DPY19L3: variants seen among roughly 807,000 people sequenced by gnomAD.
The protein encoded by DPY19L3 is dpy-19 like C-mannosyltransferase 3.
Under a neutral mutation model 92.3 loss-of-function variants are expected in DPY19L3, and 51 were observed. The ratio of observed to expected loss-of-function variants is 0.55; its 90% CI spans 0.44 to 0.70. The LOEUF (loss-of-function observed/expected upper bound fraction) is 0.70. DPY19L3 is among the 30% of genes least tolerant of loss of function. The pLI, the probability that DPY19L3 is intolerant of heterozygous loss-of-function variation, is 0.00. For missense variants in DPY19L3, 706 were observed against 855.9 expected (o/e 0.82, Z 2.18); for synonymous variants, 309 against 315.2 (o/e 0.98, Z 0.21).
intron 7 of DPY19L3, 68 bp downstream of exon 7, chr19:32,439,303 A>G: frequency 6.6e-7 from 1 of 1,524,014 alleles, no homozygotes; most frequent in Non-Finnish European, 8.9e-7. Flanking sequence ...AAAAAATGTG[A>G]TGTGCTTAGT....
At chr19:32,446,058 G>C (rs189409427) in intron 8 of DPY19L3, among the ~76,000 whole-genome samples, 16 of 152,198 alleles carry the variant, frequency 1.1e-4, no homozygotes, top group African/African-American at 3.4e-4. Flanking sequence ...GTCTTATGTG[G>C]TTCTCTATAT....
chr19:32,457,749 T>A (rs1418697826), intron 10 of DPY19L3, among the ~76,000 whole-genome samples: 1 of 152,206 alleles, frequency 6.6e-6, no homozygotes, highest in Non-Finnish European at 1.5e-5. Flanking sequence ...TTTCAGATCA[T>A]CGTCTTGTCA....
rs1224789964 is a variant in DPY19L3, at chr19:32,431,369, T to TC, written c.238-1345dup. Among the ~76,000 whole-genome samples the TC allele has an allele frequency of 3.5e-5, 4 of 113,446 alleles. No homozygotes were observed. In the East Asian group the frequency reaches 8.0e-4, roughly 23 times the overall value. 74.4% of individuals were successfully genotyped at this position (113,446 alleles called of 152,430 possible). A position where few individuals can be genotyped will look rare whatever the true frequency, so the allele number is the denominator to read the frequency against. On this transcript the variant is annotated intron_variant, in intron 3 of 18. Coordinates refer to ENST00000392250, the MANE Select transcript of DPY19L3 (RefSeq NM_001172774.2). Reference sequence around the variant, plus strand: ...CTCCAGCCTGGGCAACGAGTGAAACTCCGTCTCAAAAAAAAAAAACAGATC... The same window carrying TC: ...CTCCAGCCTGGGCAACGAGTGAAACTCCCGTCTCAAAAAAAAAAAACAGATC...
intron 3 of DPY19L3, among the ~76,000 whole-genome samples, chr19:32,415,397 G>A (rs1421312457): frequency 2.0e-5 from 3 of 152,174 alleles, no homozygotes; most frequent in African/African-American, 4.8e-5. Context: ...AATTCAAGAC[G>A]CAAGAGAGCC....
At chr19:32,445,855 G>A (rs1427186594) in intron 8 of DPY19L3, among the ~76,000 whole-genome samples, 2 of 152,032 alleles carry the variant, frequency 1.3e-5, no homozygotes, top group African/African-American at 4.8e-5. Flanking sequence ...ACAAAAATTA[G>A]CCAGGTGTGA....
At chr19:32,407,271 C>CCCCATT (rs1555714155) in intron 1 of DPY19L3, among the ~76,000 whole-genome samples, 1 of 134,502 alleles carries the variant, frequency 7.4e-6, no homozygotes, top group Non-Finnish European at 1.6e-5. Context: ...TGCTCCCCCC[C>CCCCATT]ACCCATTACT....
rs71336904 is a variant in DPY19L3, at chr19:32,445,440, C to CAAAAAAAAAA, written c.855+5542_855+5551dup. On this transcript the variant is annotated intron_variant, in intron 8 of 18. Coordinates refer to ENST00000392250, the MANE Select transcript of DPY19L3 (RefSeq NM_001172774.2). ...TGGGGGACAGAGCGAGACTTCATCT[C>CAAAAAAAAAA]AAAAAAAAAAAAAAAAAAAAACCAT... Among the ~76,000 whole-genome samples the CAAAAAAAAAA allele has an allele frequency of 3.6e-3, 156 of 42,800 alleles. 32 individuals are homozygous for CAAAAAAAAAA. Among genetic ancestry groups the CAAAAAAAAAA allele is most frequent in the African/African-American group, 5.8e-3 (51 of 8,720 alleles). The allele number at this position is 42,800 out of a possible 152,430, so 28.1% of individuals were successfully genotyped here. A position where few individuals can be genotyped will look rare whatever the true frequency, so the allele number is the denominator to read the frequency against.
intron 12 of DPY19L3, among the ~76,000 whole-genome samples, chr19:32,459,001 T>C (rs1969957189): frequency 6.6e-6 from 1 of 152,220 alleles, no homozygotes; most frequent in African/African-American, 2.4e-5. Flanking sequence ...CTCCTCTAGC[T>C]GCTTTTTTGT....
chr19:32,478,419 T>G (rs1970577704), intron 17 of DPY19L3, among the ~76,000 whole-genome samples: 1 of 152,224 alleles, frequency 6.6e-6, no homozygotes, highest in African/African-American at 2.4e-5. Flanking sequence ...TTATGGACCT[T>G]TCTGAAGTCT....
At chr19:32,435,618 G>A (rs560313228) in intron 4 of DPY19L3, among the ~76,000 whole-genome samples, 161 of 152,344 alleles carry the variant, frequency 1.1e-3, no homozygotes, top group Non-Finnish European at 2.0e-3. Flanking sequence ...ATCTCACAGA[G>A]TGTATTGTAA....
At position 32,432,696 on chromosome 19, in the gene DPY19L3, A is replaced by G; in HGVS notation, c.238-20A>G. On this transcript the variant is annotated intron_variant, in intron 3 of 18. Coordinates refer to ENST00000392250, the MANE Select transcript of DPY19L3 (RefSeq NM_001172774.2). ...ACAAAACTAGGTCACATAAACCCAT[A>G]GGATCTAACTCTGTTTTAGGAAGTG... 1 of 1,609,052 alleles carries G rather than the reference A, an allele frequency of 6.2e-7. No homozygotes were observed. Among genetic ancestry groups the G allele is most frequent in the Non-Finnish European group, 8.5e-7 (1 of 1,175,976 alleles).
chr19:32,453,106 G>T (rs757372282), intron 8 of DPY19L3, 39 bp from the exon 9 acceptor site: 2 of 1,609,918 alleles, frequency 1.2e-6, no homozygotes, highest in Non-Finnish European at 1.7e-6. Context: ...TGATCTCTTG[G>T]TAAAATGTCT....
chr19:32,476,345 C>A (rs1568362613), intron 16 of DPY19L3, among the ~76,000 whole-genome samples: 1 of 151,904 alleles, frequency 6.6e-6, no homozygotes, highest in Non-Finnish European at 1.5e-5. Flanking sequence ...AACCATCTTC[C>A]TCATTTTAGT....
At chr19:32,458,292 C>G (rs1481597730) in intron 11 of DPY19L3, 59 bp from the exon 12 acceptor site, 2 of 1,587,550 alleles carry the variant, frequency 1.3e-6, no homozygotes, top group Non-Finnish European at 1.7e-6. Context: ...AGGAAAGATG[C>G]AATGTCATTT....
At chr19:32,432,015 A>G (rs1197018048) in intron 3 of DPY19L3, among the ~76,000 whole-genome samples, 1 of 152,200 alleles carries the variant, frequency 6.6e-6, no homozygotes, top group Non-Finnish European at 1.5e-5. Context: ...TTTTCAGGTT[A>G]GGGCTGCTCA....
At chr19:32,412,504 G>A (rs1260403550) in intron 3 of DPY19L3, 1 of 151,098 alleles carries the variant, frequency 6.6e-6, no homozygotes, top group African/African-American at 2.4e-5. Flanking sequence ...TTTAAATCAT[G>A]GGGTCTAAAT....
In DPY19L3 at chr19:32,443,456, A is replaced by G. The variant is rs182254161; in HGVS notation, c.855+3546A>G. Among the ~76,000 whole-genome samples the G allele has an allele frequency of 3.5e-3, 527 of 152,326 alleles. 1 individual carries two copies. The highest frequency in any genetic ancestry group is 4.9e-3 in the Non-Finnish European group (333 of 68,030). ...CTTTTAGAAGGTGATTAGTGCCATT[A>G]TAAAACAGGCACAAGGGAGCTGTTT... On this transcript the variant is annotated intron_variant, in intron 8 of 18. Coordinates refer to ENST00000392250, the MANE Select transcript of DPY19L3 (RefSeq NM_001172774.2).
At chr19:32,475,377 G>C (rs997685007) in intron 16 of DPY19L3, among the ~76,000 whole-genome samples, 1 of 152,170 alleles carries the variant, frequency 6.6e-6, no homozygotes, top group Non-Finnish European at 1.5e-5. Context: ...GCTCTGCCAG[G>C]CGTGGAAACC....
At chr19:32,413,435 A>G (rs1968262822) in intron 3 of DPY19L3, among the ~76,000 whole-genome samples, 1 of 131,200 alleles carries the variant, frequency 7.6e-6, no homozygotes, top group Non-Finnish European at 1.7e-5. Context: ...GTACCAAAGA[A>G]GAATAATTCT....
Sources: gnomAD v4.1 joint callset for allele counts (sites outside exome capture counted in the v4.1 genomes callset) on GRCh38, gnomAD v4.1.1 for gene constraint, MANE v1.5 for transcripts, NCBI Gene and HGNC (gene_info 2026-07-23, HGNC 2026-07-21) for gene names.